Variants in FBLN7 observed in about 807,000 individuals in gnomAD.
The protein encoded by FBLN7 is fibulin-7.
FBLN7 carries 31 observed loss-of-function variants against 44.0 expected under a neutral mutation model. The ratio of observed to expected loss-of-function variants is 0.70; its 90% confidence interval spans 0.53 to 0.95. The LOEUF is 0.95. Ranked by LOEUF, FBLN7 falls within the 40% of genes least tolerant of loss-of-function variation. The probability of loss-of-function intolerance (pLI) is 0.00; values close to 1 mark genes in which losing one functional copy is unlikely to be tolerated. For missense variants in FBLN7, 573 were observed against 618.5 expected (o/e 0.93, Z 0.78); for synonymous variants, 262 against 253.4 (o/e 1.03, Z -0.32).
chr2:112,196,478 C>T, the FBLN7 span, among the ~76,000 whole-genome samples: 1 of 149,194 alleles, frequency 6.7e-6, no homozygotes, highest in Non-Finnish European at 1.5e-5. Flanking sequence ...TGTTCTCATG[C>T]CACTTCAGTC....
the FBLN7 span, among the ~76,000 whole-genome samples, chr2:112,199,740 C>A: frequency 6.6e-6 from 1 of 152,202 alleles, no homozygotes; most frequent in Non-Finnish European, 1.5e-5. Flanking sequence ...TTAGTGTTAG[C>A]TCTGCCCTCA....
intron 2 of FBLN7, 49 bp downstream of exon 2, chr2:112,159,884 A>C: frequency 7.0e-7 from 1 of 1,437,608 alleles, no homozygotes. Flanking sequence ...GCACTCGAGC[A>C]CTCTCCCCGA....
At chr2:112,160,041 A>G (rs1052907570) in intron 2 of FBLN7, among the ~76,000 whole-genome samples, 1 of 151,694 alleles carries the variant, frequency 6.6e-6, no homozygotes, top group Non-Finnish European at 1.5e-5. Flanking sequence ...CCCAGGCTGG[A>G]GTGCAGTGGC....
chr2:112,224,599 CA>C, the FBLN7 span, among the ~76,000 whole-genome samples: 9 of 152,154 alleles, frequency 5.9e-5, no homozygotes, highest in Admixed American at 3.3e-4. Context: ...TGTCCATCAA[CA>C]GATGAATAAA....
intron 2 of FBLN7, among the ~76,000 whole-genome samples, chr2:112,160,462 C>G (rs1032486659): frequency 6.6e-6 from 1 of 152,220 alleles, no homozygotes; most frequent in African/African-American, 2.4e-5. Context: ...CAAACTGTTG[C>G]AAGGCGCCAC....
chr2:112,184,685 G>A lies in FBLN7; in HGVS notation c.809-516G>A, dbSNP rs76128695. ...ATGGTATATATATGCTGTATATGGT[G>A]TATATATGGTATATATATGAATATG... On this transcript the variant is annotated intron_variant, in intron 6 of 7. Transcript: ENST00000331203. Among the ~76,000 whole-genome samples, 316 of 144,854 alleles carry A rather than the reference G, an allele frequency of 2.2e-3. 9 individuals are homozygous for A. Among genetic ancestry groups the A allele is most frequent in the East Asian group, 4.4e-3 (22 of 4,998 alleles).
At chr2:112,222,853 G>A in the FBLN7 span, among the ~76,000 whole-genome samples, 1 of 152,178 alleles carries the variant, frequency 6.6e-6, no homozygotes, top group African/African-American at 2.4e-5. Context: ...AATATATGTG[G>A]TGGTAATGGT....
downstream of FBLN7, among the ~76,000 whole-genome samples, chr2:112,192,030 C>T (rs1219229968): frequency 2.6e-5 from 4 of 152,162 alleles, no homozygotes; most frequent in East Asian, 7.7e-4. Context: ...TTCACACTTT[C>T]CTGGACCCTT....
the FBLN7 span, chr2:112,212,688 T>C: frequency 6.6e-6 from 1 of 152,234 alleles, no homozygotes; most frequent in East Asian, 1.9e-4. Context: ...TCCTCTCTGT[T>C]TTCTTCAGCT....
intron 1 of FBLN7, among the ~76,000 whole-genome samples, chr2:112,159,432 CTG>C (rs1681605852): frequency 6.6e-6 from 1 of 152,194 alleles, no homozygotes; most frequent in South Asian, 2.1e-4. Context: ...GTTCAAATAA[CTG>C]TTCATCCACC....
chr2:112,160,704 GCACA>G (rs3080966), intron 2 of FBLN7, among the ~76,000 whole-genome samples: 31 of 144,154 alleles, frequency 2.2e-4, no homozygotes, highest in South Asian at 8.7e-4. Context: ...ACACACGCAC[GCACA>G]CACACAAGCA....
the FBLN7 span, among the ~76,000 whole-genome samples, chr2:112,221,144 G>T: frequency 3.3e-5 from 5 of 152,080 alleles, no homozygotes; most frequent in Admixed American, 6.5e-5. Flanking sequence ...CAGAGGTTTT[G>T]TTCAGTCTTT....
chr2:112,184,761 AC>A (rs1683173436), intron 6 of FBLN7, among the ~76,000 whole-genome samples: 3 of 145,224 alleles, frequency 2.1e-5, no homozygotes, highest in Non-Finnish European at 4.5e-5. Flanking sequence ...CACCATATAT[AC>A]CATATATACG....
At chr2:112,242,438 C>A in the FBLN7 span, among the ~76,000 whole-genome samples, 1 of 152,172 alleles carries the variant, frequency 6.6e-6, no homozygotes, top group Non-Finnish European at 1.5e-5. Context: ...TGCAAGAGAC[C>A]TTCATGGCAT....
chr2:112,150,976 A>G (rs530448109), intron 1 of FBLN7, among the ~76,000 whole-genome samples: 1 of 152,288 alleles, frequency 6.6e-6, no homozygotes, highest in South Asian at 2.1e-4. Context: ...CAGGTTAAGC[A>G]AGCAGGTAGG....
the FBLN7 span, among the ~76,000 whole-genome samples, chr2:112,204,161 G>T: frequency 3.3e-5 from 5 of 151,802 alleles, no homozygotes; most frequent in African/African-American, 9.7e-5. Flanking sequence ...AAGTTGAAAA[G>T]TATAAGGCTG....
the FBLN7 span, chr2:112,238,292 T>C: frequency 6.2e-7 from 1 of 1,605,398 alleles, no homozygotes; most frequent in African/African-American, 1.3e-5. Context: ...AAACTTTAAA[T>C]GATAAAATAG....
chr2:112,235,049 C>A, the FBLN7 span, among the ~76,000 whole-genome samples: 6 of 151,932 alleles, frequency 3.9e-5, no homozygotes, highest in Non-Finnish European at 5.9e-5. Flanking sequence ...GAGATTTTTA[C>A]ATTAAAAAAA....
In FBLN7 at chr2:112,187,033, C is replaced by T; in HGVS notation, c.948-101C>T. ...AGGACCCGTGGCTGGGAAAGGTCAT[C>T]TAGGTGGCCTCTGCAAGAGGGCAGG... On this transcript the variant is annotated intron_variant, in intron 7 of 7. Coordinates refer to ENST00000331203, the MANE Select transcript of FBLN7 (RefSeq NM_153214.3). This position sits in a 1 kb window ranked among gnomAD's most constrained non-coding sequence, Gnocchi z 5.1. 1 of 1,449,598 alleles carries T rather than the reference C, an allele frequency of 6.9e-7. No homozygotes were observed. The highest frequency in any genetic ancestry group is 9.3e-7 in the Non-Finnish European group (1 of 1,071,896). 89.8% of individuals were successfully genotyped at this position (1,449,598 alleles called of 1,614,324 possible).
Sources: allele counts gnomAD v4.1 joint callset (sites outside exome capture counted in the v4.1 genomes callset), GRCh38; gene constraint gnomAD v4.1.1; non-coding constraint Gnocchi (gnomAD v3.1); transcripts MANE v1.5; gene names NCBI Gene and HGNC (gene_info 2026-07-23, HGNC 2026-07-21).